Variants in POLR3C observed in about 807,000 individuals in gnomAD.
POLR3C encodes the protein DNA-directed RNA polymerase III subunit RPC3.
A neutral mutation model predicts 65.9 loss-of-function variants in POLR3C; 44 were observed. The observed-to-expected ratio is 0.67, with a 90% CI of 0.52 to 0.86. The LOEUF (loss-of-function observed/expected upper bound fraction) is 0.86. POLR3C is among the 40% of genes least tolerant of loss of function. POLR3C has a pLI of 0.00. For missense variants in POLR3C, 576 were observed against 653.2 expected (o/e 0.88, Z 1.29); for synonymous variants, 263 against 231.6 (o/e 1.14, Z -1.23).
intron 14 of POLR3C, 72 bp from the exon 15 acceptor site, chr1:145,842,267 C>A: frequency 1.1e-6 from 1 of 899,092 alleles, no homozygotes; most frequent in Non-Finnish European, 1.8e-6. Context: ...ATGGCCACAC[C>A]CACCCTAACC....
chr1:145,826,747 A>G, intron 3 of POLR3C, 38 bp downstream of exon 3: 2 of 1,612,050 alleles, frequency 1.2e-6, no homozygotes, highest in South Asian at 1.1e-5. Flanking sequence ...AAAAGCATAG[A>G]TCAGCTGGCT....
chr1:145,839,603 C>G (rs970110734), intron 11 of POLR3C: 1 of 300,998 alleles, frequency 3.3e-6, no homozygotes, highest in Non-Finnish European at 6.2e-6. Flanking sequence ...CATGGTGGTG[C>G]ATGCCTGTAG....
At position 145,842,809 on chromosome 1, in the gene POLR3C, A is replaced by AGATAGATAGATAGATAGATG. The variant is rs58596799; in HGVS notation, c.*397_*398insGATAGATAGATGGATAGATA. Among the ~76,000 whole-genome samples, 1 of 151,806 alleles carries AGATAGATAGATAGATAGATG rather than the reference A, an allele frequency of 6.6e-6. No homozygotes were observed. Among genetic ancestry groups the AGATAGATAGATAGATAGATG allele is most frequent in the African/African-American group, 2.4e-5 (1 of 41,172 alleles). On this transcript the variant is annotated 3_prime_UTR_variant, in exon 15 of 15. Transcript: ENST00000334163. ...TGAGATAGGTGATAGATAGATAGAT[A>AGATAGATAGATAGATAGATG]GATAGATAATTTGTTGTTGTTGAGA...
chr1:145,826,845 A>C lies in POLR3C; in HGVS notation c.429A>C (p.Glu143Asp), dbSNP rs782724297. Reference sequence around the variant, plus strand: ...ATGGCAAGACCATGGACTATGCTGAAGTATCAAACACATTTGTGCGACTGG... The same window carrying C: ...ATGGCAAGACCATGGACTATGCTGACGTATCAAACACATTTGTGCGACTGG... ...MEDGKTMDYA[E>D]VSNTFVRLAD... The change falls in exon 4 of 15, where the codon GAA becomes GAC. Residue 143 changes from glutamate (E) to aspartate (D), a missense_variant. Physicochemically the swap from Glu to Asp is conservative, Grantham distance 45 (BLOSUM62 2). Coordinates refer to ENST00000334163, the MANE Select transcript of POLR3C (RefSeq NM_006468.8). The C allele has an allele frequency of 6.2e-7, 1 of 1,611,320 alleles. No homozygotes were observed. The highest frequency in any genetic ancestry group is 8.5e-7 in the Non-Finnish European group (1 of 1,178,530).
At chr1:145,827,106 A>C (rs907325607) in intron 4 of POLR3C, 101 bp downstream of exon 4, 3 of 972,890 alleles carry the variant, frequency 3.1e-6, no homozygotes. Flanking sequence ...AGTATTTGCT[A>C]TGTGCCAGAC....
At chr1:145,837,920 T>A (rs1651981858) in intron 10 of POLR3C, 136 bp from the exon 11 acceptor site, 1 of 751,244 alleles carries the variant, frequency 1.3e-6, no homozygotes, top group Non-Finnish European at 2.2e-6. Context: ...CCTATGGAGC[T>A]GTAGAATAAT....
chr1:145,834,654 A>G (rs2101647156), intron 7 of POLR3C, among the ~76,000 whole-genome samples: 1 of 152,150 alleles, frequency 6.6e-6, no homozygotes, highest in African/African-American at 2.4e-5. Flanking sequence ...CAGCCTCACC[A>G]CACATGTGAG....
At chr1:145,831,528 A>G (rs1553727170) in intron 5 of POLR3C, among the ~76,000 whole-genome samples, 1 of 152,002 alleles carries the variant, frequency 6.6e-6, no homozygotes, top group Admixed American at 6.6e-5. Context: ...AAAAAAAAAA[A>G]AAAGAGAGAG....
intron 5 of POLR3C, among the ~76,000 whole-genome samples, chr1:145,832,839 T>C (rs1176088841): frequency 6.6e-6 from 1 of 151,958 alleles, no homozygotes; most frequent in Admixed American, 6.6e-5. Context: ...CTGGCCAACA[T>C]TGTAAAACCC....
chr1:145,837,996 G>T (rs2101654281), intron 10 of POLR3C, 60 bp from the exon 11 acceptor site: 2 of 1,500,574 alleles, frequency 1.3e-6, no homozygotes, highest in South Asian at 2.3e-5. Context: ...CCCCATCTAT[G>T]ACTGGGAACT....
intron 7 of POLR3C, among the ~76,000 whole-genome samples, chr1:145,836,072 CCTG>C (rs1420349230): frequency 6.6e-6 from 1 of 151,160 alleles, no homozygotes; most frequent in Non-Finnish European, 1.5e-5. Flanking sequence ...TACAAACAAT[CCTG>C]CTGTGAATAT....
In POLR3C at chr1:145,841,022, A is replaced by T; in HGVS notation, c.1474A>T (p.Thr492Ser). ...GTTACAAGAAATAGAGGAGATGATC[A>T]CAGCTCCTGAACGTCAGCAGCTAGA... ...AQLQEIEEMI[T>S]APERQQLETL... Residue 492 changes from threonine to serine, a missense_variant, in exon 14 of 15, where the codon ACA becomes TCA. Thr to Ser is a moderately conservative substitution (Grantham distance 58). Transcript: ENST00000334163. The T allele has an allele frequency of 2.5e-6, 4 of 1,612,222 alleles. No homozygotes were observed. The highest frequency in any genetic ancestry group is 3.4e-6 in the Non-Finnish European group (4 of 1,178,264).
chr1:145,828,428 G>C (rs1486838297), intron 4 of POLR3C, among the ~76,000 whole-genome samples: 1 of 152,190 alleles, frequency 6.6e-6, no homozygotes, highest in Non-Finnish European at 1.5e-5. Context: ...CAGACTGGTG[G>C]AAAATGAAAG....
chr1:145,826,931 G>A lies in POLR3C; in HGVS notation c.515G>A (p.Gly172Glu). ...CCTACCACTGAGAATTCAGACCCTG[G>A]GCCACCACCACCTGCCCCCACACTT... ...SVPTTENSDP[G>E]PPPPAPTLVI... The change falls in exon 4 of 15, where the codon GGG becomes GAG. Residue 172 changes from glycine (G) to glutamate (E), a missense_variant. Gly to Glu is a moderately conservative substitution (Grantham distance 98, BLOSUM62 -2). Transcript: ENST00000334163. 1.2e-6 allele frequency: 2 copies of A among 1,613,258 alleles called. No homozygotes were observed. The highest frequency in any genetic ancestry group is 1.7e-6 in the Non-Finnish European group (2 of 1,179,794).
chr1:145,837,729 G>T (rs893789895), intron 10 of POLR3C, 133 bp downstream of exon 10: 3 of 748,160 alleles, frequency 4.0e-6, no homozygotes, highest in South Asian at 1.5e-5. Flanking sequence ...GACTCCTATG[G>T]ATCTCATGTA....
chr1:145,839,752 C>G, intron 11 of POLR3C, 138 bp from the exon 12 acceptor site: 1 of 617,930 alleles, frequency 1.6e-6, no homozygotes, highest in Non-Finnish European at 2.9e-6. Flanking sequence ...ATAAAATAAA[C>G]ACAGGTACTG....
intron 5 of POLR3C, among the ~76,000 whole-genome samples, chr1:145,831,479 C>A (rs1029108120): frequency 6.8e-6 from 1 of 147,978 alleles, no homozygotes. Flanking sequence ...TGTGCCACTT[C>A]ACTCCAGCCT....
At chr1:145,831,442 G>C (rs1224350965) in intron 5 of POLR3C, among the ~76,000 whole-genome samples, 1 of 151,942 alleles carries the variant, frequency 6.6e-6, no homozygotes, top group Non-Finnish European at 1.5e-5. Flanking sequence ...TTGAACCTGG[G>C]GGGCAGAGGT....
chr1:145,835,649 A>G (rs920485063), intron 7 of POLR3C, among the ~76,000 whole-genome samples: 12 of 151,576 alleles, frequency 7.9e-5, no homozygotes, highest in Non-Finnish European at 1.5e-5. Context: ...ATCTCAGCTC[A>G]CTGCAACCTC....
Sources: gnomAD v4.1 joint callset for allele counts (sites outside exome capture counted in the v4.1 genomes callset) on GRCh38, gnomAD v4.1.1 for gene constraint, MANE v1.5 for transcripts, NCBI Gene and HGNC (gene_info 2026-07-23, HGNC 2026-07-21) for gene names.